Variants in EXD2 observed in about 807,000 individuals in gnomAD.
EXD2 encodes the protein exonuclease 3'-5' domain-containing protein 2.
A neutral mutation model predicts 62.5 loss-of-function variants in EXD2; 40 were observed. The observed-to-expected ratio is 0.64, with a 90% CI of 0.50 to 0.83. The LOEUF is 0.83. Ranked by LOEUF, EXD2 falls within the 40% of genes least tolerant of loss-of-function variation. The pLI, the probability that EXD2 is intolerant of heterozygous loss-of-function variation, is 0.00. For synonymous variants in EXD2, 239 were observed against 291.9 expected, an observed-to-expected ratio of 0.82 and a Z score of 1.85; for missense variants, 671 against 761.8, an observed-to-expected ratio of 0.88 and a Z score of 1.40.
rs145825911 is a variant in EXD2 at position 69,207,369 on chromosome 14, C to A, written c.-47-2055C>A. The stretch of plus-strand genomic sequence containing the variant: ...ATTAGCTGGGTATGGTGGCATACCC[C>A]TGTAGTCCCAGCTGCTTGGGAGGCT... On this transcript the variant is annotated intron_variant, in intron 2 of 9. Transcript: ENST00000685843. Among the ~76,000 whole-genome samples, 439 of 152,168 alleles carry A rather than the reference C, an allele frequency of 2.9e-3. 4 individuals are homozygous for A. Among genetic ancestry groups the A allele is most frequent in the African/African-American group, 9.9e-3 (411 of 41,518 alleles).
At chr14:69,213,671 C>CT (rs1313587542) in intron 3 of EXD2, among the ~76,000 whole-genome samples, 20 of 146,036 alleles carry the variant, frequency 1.4e-4, no homozygotes, top group South Asian at 8.8e-4. Flanking sequence ...CTGTATTTAC[C>CT]TTTTTTTTTG....
chr14:69,196,767 G>T (rs1357826174), intron 1 of EXD2, among the ~76,000 whole-genome samples: 1 of 150,542 alleles, frequency 6.6e-6, no homozygotes, highest in Non-Finnish European at 1.5e-5. Context: ...AAGTCTATAG[G>T]CACACTACCA....
At chr14:69,223,297 A>C (rs1343440971) in intron 3 of EXD2, among the ~76,000 whole-genome samples, 1 of 152,076 alleles carries the variant, frequency 6.6e-6, no homozygotes, top group East Asian at 1.9e-4. Context: ...TTGAATGTCT[A>C]ATAGTCATCT....
chr14:69,213,373 C>CT (rs150182640), intron 3 of EXD2, among the ~76,000 whole-genome samples: 108 of 89,992 alleles, frequency 1.2e-3, no homozygotes, highest in Non-Finnish European at 1.6e-3. Flanking sequence ...ATGCTGGGCC[C>CT]TTTTTTTTTT....
intron 3 of EXD2, among the ~76,000 whole-genome samples, chr14:69,212,211 T>C (rs1272249163): frequency 6.6e-6 from 1 of 152,022 alleles, no homozygotes; most frequent in African/African-American, 2.4e-5. Flanking sequence ...TCCTCCCCTC[T>C]ACTAAAAATA....
At chr14:69,233,145 A>G (rs1382133611) in intron 5 of EXD2, among the ~76,000 whole-genome samples, 3 of 152,186 alleles carry the variant, frequency 2.0e-5, no homozygotes, top group East Asian at 1.9e-4. Context: ...TTAGAAAATA[A>G]TGTGTTAGAG....
intron 2 of EXD2, among the ~76,000 whole-genome samples, chr14:69,205,740 G>A (rs2140219909): frequency 6.6e-6 from 1 of 152,064 alleles, no homozygotes; most frequent in South Asian, 2.1e-4. Context: ...GTGTGTTTGT[G>A]TGTGTGTGTT....
chr14:69,212,822 C>T (rs1047777179), intron 3 of EXD2, among the ~76,000 whole-genome samples: 1 of 149,690 alleles, frequency 6.7e-6, no homozygotes, highest in African/African-American at 2.5e-5. Flanking sequence ...GATTGTCTCA[C>T]CTCAGCCTCC....
rs371453331 is a variant in EXD2 at position 69,193,804 on chromosome 14, G to T, written c.-132+2213G>T. ...TTAAATGGCAGAGATTTTTGCTCTC[G>T]GGGTTATTTGGCAATGTCTGTAAAC... is the stretch of plus-strand genomic sequence containing the variant. On this transcript the variant is annotated intron_variant, in intron 1 of 9. Transcript: ENST00000685843. 6.6e-5 allele frequency among the ~76,000 whole-genome samples: 10 copies of T among 152,010 alleles called. No individual in the cohort carries two copies. In the South Asian group the frequency reaches 2.1e-3, roughly 32 times the overall value.
intron 3 of EXD2, among the ~76,000 whole-genome samples, chr14:69,223,139 C>A (rs536760224): frequency 6.6e-6 from 1 of 152,240 alleles, no homozygotes; most frequent in South Asian, 2.1e-4. Flanking sequence ...CAGATGGATC[C>A]GTGGGCCACT....
intron 9 of EXD2, among the ~76,000 whole-genome samples, chr14:69,239,787 A>G (rs530171376): frequency 6.6e-6 from 1 of 152,332 alleles, no homozygotes; most frequent in East Asian, 1.9e-4. Flanking sequence ...TTTTTAGTAG[A>G]GGCAGGGTTT....
At chr14:69,202,274 G>T (rs974805249) in intron 1 of EXD2, among the ~76,000 whole-genome samples, 1 of 151,864 alleles carries the variant, frequency 6.6e-6, no homozygotes, top group African/African-American at 2.4e-5. Flanking sequence ...TACTTGGGGG[G>T]GTTGAGGTGG....
At chr14:69,231,363 C>T (rs1257752201) in intron 5 of EXD2, among the ~76,000 whole-genome samples, 2 of 152,060 alleles carry the variant, frequency 1.3e-5, no homozygotes, top group Non-Finnish European at 2.9e-5. Flanking sequence ...TATCTTTTGA[C>T]ATCATACTGT....
chr14:69,212,599 C>T (rs956269183), intron 3 of EXD2, among the ~76,000 whole-genome samples: 2 of 151,384 alleles, frequency 1.3e-5, no homozygotes, highest in Admixed American at 1.3e-4. Flanking sequence ...TTCACTGAAC[C>T]TCGAACTCAT....
chr14:69,204,449 T>TA (rs2042516666), intron 2 of EXD2, among the ~76,000 whole-genome samples: 1 of 152,080 alleles, frequency 6.6e-6, no homozygotes, highest in Non-Finnish European at 1.5e-5. Context: ...CATGCACCTG[T>TA]ACCCCCAGCT....
chr14:69,229,373 T>C (rs1312222516), intron 4 of EXD2, among the ~76,000 whole-genome samples: 4 of 152,222 alleles, frequency 2.6e-5, no homozygotes, highest in African/African-American at 9.7e-5. Context: ...TTTTCCCATA[T>C]GATATTTTTG....
At position 69,236,534 on chromosome 14, in the gene EXD2, C is replaced by G. The variant is rs2043794758; in HGVS notation, c.1284C>G (p.Ser428=). The G allele has an allele frequency of 1.2e-6, 2 of 1,614,092 alleles. No homozygotes were observed. The highest frequency in any genetic ancestry group is 1.1e-5 in the South Asian group (1 of 91,086). Residue 428 remains serine, a synonymous_variant, in exon 8 of 10, where the codon TCC becomes TCG. Coordinates refer to ENST00000685843, the MANE Select transcript of EXD2 (RefSeq NM_001193360.2). The part of the protein sequence containing the change: ...NLCVVCGKRD[S]YIRKNVIPHE... ...GTGTAGTGTGTGGCAAGAGAGACTCCTACATTCGGTGAGTGCAGCATTGGG... is the reference window on the plus strand; with the variant it reads ...GTGTAGTGTGTGGCAAGAGAGACTCGTACATTCGGTGAGTGCAGCATTGGG...
chr14:69,213,377 T>C (rs1266086882), intron 3 of EXD2, among the ~76,000 whole-genome samples: 2 of 14,030 alleles, frequency 1.4e-4, no homozygotes, highest in African/African-American at 1.1e-3. Context: ...TGGGCCCTTT[T>C]TTTTTTTTTT....
At chr14:69,203,430 T>G (rs991641948) in intron 1 of EXD2, among the ~76,000 whole-genome samples, 1 of 152,012 alleles carries the variant, frequency 6.6e-6, no homozygotes. Flanking sequence ...ATTAACAAAC[T>G]TGGGTCTGTG....
Sources: allele counts gnomAD v4.1 joint callset (sites outside exome capture counted in the v4.1 genomes callset), GRCh38; gene constraint gnomAD v4.1.1; transcripts MANE v1.5; gene names NCBI Gene and HGNC (gene_info 2026-07-23, HGNC 2026-07-21).